The following FRMD3 variants were observed in gnomAD, a reference collection of about 807,000 sequenced individuals.
FRMD3 encodes FERM domain containing 3, also known as FERM domain-containing protein 3.
Under a neutral mutation model 70.2 loss-of-function variants are expected in FRMD3, and 33 were observed. The observed-to-expected ratio is 0.47, with a 90% CI of 0.36 to 0.63. FRMD3 has a LOEUF of 0.63. Ranked by LOEUF, FRMD3 falls within the 20% of genes least tolerant of loss-of-function variation. FRMD3 has a pLI of 0.00. For synonymous variants in FRMD3, 279 were observed against 255.9 expected (o/e 1.09, Z -0.86); for missense variants, 632 against 711.4 (o/e 0.89, Z 1.27).
At chr9:83,486,760 G>A (rs1587461329) in intron 1 of FRMD3, among the ~76,000 whole-genome samples, 1 of 152,164 alleles carries the variant, frequency 6.6e-6, no homozygotes, top group Non-Finnish European at 1.5e-5. Flanking sequence ...CCATGAAAAT[G>A]TGTAACATAA....
chr9:83,389,996 A>C (rs1238047830), intron 1 of FRMD3, among the ~76,000 whole-genome samples: 2 of 152,194 alleles, frequency 1.3e-5, no homozygotes, highest in Admixed American at 6.5e-5. Flanking sequence ...GTCTAATGCT[A>C]TTTATGACTC....
intron 1 of FRMD3, among the ~76,000 whole-genome samples, chr9:83,470,991 A>G (rs1828254589): frequency 6.6e-6 from 1 of 152,258 alleles, no homozygotes; most frequent in Non-Finnish European, 1.5e-5. Context: ...AGAAGCAAAC[A>G]GCAGTAGAGA....
At position 83,448,859 on chromosome 9, in the gene FRMD3, G is replaced by A. The variant is rs543995590; in HGVS notation, c.148-59151C>T. On this transcript the variant is annotated intron_variant, in intron 1 of 13. Transcript: ENST00000304195. ...GAATGCTTTTCAGCTTTATTGTTAC[G>A]GTTGGAAGAAGTCAAGTCAGAGCAT... is the stretch of plus-strand genomic sequence containing the variant. Among the ~76,000 whole-genome samples the A allele has an allele frequency of 8.5e-5, 13 of 152,284 alleles. No individual in the cohort carries two copies. In the South Asian group the frequency reaches 1.2e-3, roughly 15 times the overall value.
At chr9:83,363,802 C>T (rs1444202553) in intron 3 of FRMD3, among the ~76,000 whole-genome samples, 1 of 152,126 alleles carries the variant, frequency 6.6e-6, no homozygotes, top group Non-Finnish European at 1.5e-5. Context: ...GATCCGCCCA[C>T]CTTGGCCTCC....
the FRMD3 span, among the ~76,000 whole-genome samples, chr9:83,543,645 G>A: frequency 6.6e-6 from 1 of 152,336 alleles, no homozygotes; most frequent in East Asian, 1.9e-4. Context: ...CTGGACCCAG[G>A]AGAGCTGAGG....
At chr9:83,398,286 T>G (rs1421243370) in intron 1 of FRMD3, among the ~76,000 whole-genome samples, 2 of 152,230 alleles carry the variant, frequency 1.3e-5, no homozygotes, top group African/African-American at 4.8e-5. Context: ...TAACTGGCAT[T>G]CTTCCTATTG....
At position 83,468,654 on chromosome 9, in the gene FRMD3, C is replaced by T. The variant is rs200197135; in HGVS notation, c.147+69431G>A. Among the ~76,000 whole-genome samples the T allele has an allele frequency of 5.9e-5, 9 of 152,332 alleles. No individual in the cohort carries two copies. The East Asian group carries it at 1.7e-3, about 29-fold the overall frequency. On this transcript the variant is annotated intron_variant, in intron 1 of 13. Transcript: ENST00000304195. ...TAAATCCCTACTGTCCCAGATTCCT[C>T]AGAATATTTGAGGCTTGGTAAGTTG...
intron 6 of FRMD3, chr9:83,331,929 C>T (rs2131129650): frequency 1.4e-6 from 1 of 714,546 alleles, no homozygotes; most frequent in South Asian, 1.5e-5. Context: ...GAGTTGTAAG[C>T]AGAAGTGCTA....
intron 1 of FRMD3, among the ~76,000 whole-genome samples, chr9:83,439,551 T>TTC (rs56036792): frequency 0.084 from 12,780 of 152,296 alleles, 617 homozygotes; most frequent in South Asian, 0.2. Flanking sequence ...TGTAGTTGGC[T>TTC]TCTTTATGCA....
chr9:83,415,051 C>A (rs1826391555), intron 1 of FRMD3, among the ~76,000 whole-genome samples: 1 of 152,178 alleles, frequency 6.6e-6, no homozygotes, highest in Non-Finnish European at 1.5e-5. Flanking sequence ...AGTACTGGAA[C>A]CCATTGGAGA....
chr9:83,367,844 A>T (rs1310902573), intron 3 of FRMD3, among the ~76,000 whole-genome samples: 2 of 152,114 alleles, frequency 1.3e-5, no homozygotes, highest in Non-Finnish European at 2.9e-5. Flanking sequence ...CTGTGCCTAG[A>T]GTTGTTCTGC....
At chr9:83,489,175 C>G (rs1227686104) in intron 1 of FRMD3, among the ~76,000 whole-genome samples, 1 of 152,118 alleles carries the variant, frequency 6.6e-6, no homozygotes, top group Non-Finnish European at 1.5e-5. Flanking sequence ...AAATACATTT[C>G]TTGACATCAG....
chr9:83,465,499 AT>A (rs1828101799), intron 1 of FRMD3, among the ~76,000 whole-genome samples: 1 of 152,186 alleles, frequency 6.6e-6, no homozygotes, highest in African/African-American at 2.4e-5. Context: ...TCCAGCACAG[AT>A]TCCACACAAA....
intron 1 of FRMD3, among the ~76,000 whole-genome samples, chr9:83,393,475 G>A (rs1399803293): frequency 1.3e-5 from 2 of 152,000 alleles, no homozygotes; most frequent in Non-Finnish European, 2.9e-5. Context: ...GATGATTCAG[G>A]CACCTAACAT....
At chr9:83,346,255 C>CA (rs56163115) in intron 4 of FRMD3, among the ~76,000 whole-genome samples, 3,331 of 61,368 alleles carry the variant, frequency 0.054, 218 homozygotes, top group African/African-American at 0.1. Flanking sequence ...GACGCCATCT[C>CA]AAAAAAAAAA....
At chr9:83,538,533 C>G (rs1436281288), upstream of FRMD3, 4 of 255,826 alleles carry the variant, frequency 1.6e-5, no homozygotes, top group African/African-American at 2.2e-5. The surrounding 1 kb of genome is among the most constrained non-coding windows in gnomAD (Gnocchi z 4.7). Context: ...CCTGAGACCC[C>G]CGGCGGGCTC....
intron 3 of FRMD3, among the ~76,000 whole-genome samples, chr9:83,351,770 T>C (rs773304527): frequency 6.6e-6 from 1 of 152,116 alleles, no homozygotes; most frequent in Non-Finnish European, 1.5e-5. Flanking sequence ...TTGTCTCTAA[T>C]CCTGCCCCAT....
the FRMD3 span, among the ~76,000 whole-genome samples, chr9:83,569,253 A>C: frequency 6.6e-6 from 1 of 152,230 alleles, no homozygotes; most frequent in Non-Finnish European, 1.5e-5. Flanking sequence ...GTAGATACTT[A>C]ATGCCATGTT....
chr9:83,535,439 G>A (rs1829871920), intron 1 of FRMD3, among the ~76,000 whole-genome samples: 1 of 151,990 alleles, frequency 6.6e-6, no homozygotes, highest in Non-Finnish European at 1.5e-5. Context: ...TTATTTTGGG[G>A]CTCCATAGGC....
Sources: gnomAD v4.1 joint callset for allele counts (sites outside exome capture counted in the v4.1 genomes callset) on GRCh38, gnomAD v4.1.1 for gene constraint, Gnocchi (gnomAD v3.1) non-coding constraint, MANE v1.5 for transcripts, NCBI Gene and HGNC (gene_info 2026-07-23, HGNC 2026-07-21) for gene names.